Variants in KIRREL3 observed in about 807,000 individuals in gnomAD.
The protein encoded by KIRREL3 is kin of IRRE-like protein 3.
Under a neutral mutation model 89.7 loss-of-function variants are expected in KIRREL3, and 36 were observed. The observed-to-expected ratio is 0.40, with a 90% CI of 0.31 to 0.53. The LOEUF is 0.53. Ranked by LOEUF, KIRREL3 falls within the 20% of genes least tolerant of loss-of-function variation. KIRREL3 has a pLI of 0.49. For missense variants in KIRREL3, 864 were observed against 1,056.6 expected (o/e 0.82, Z 2.53); for synonymous variants, 445 against 441.4 (o/e 1.01, Z -0.10).
At chr11:126,950,072 C>A in intron 1 of KIRREL3, among the ~76,000 whole-genome samples, 1 of 152,264 alleles carries the variant, frequency 6.6e-6, no homozygotes, top group South Asian at 2.1e-4. Context: ...TCACTTTCCA[C>A]CCTTAAAATA....
At chr11:126,629,294 C>A (rs1247666624) in intron 1 of KIRREL3, among the ~76,000 whole-genome samples, 1 of 152,152 alleles carries the variant, frequency 6.6e-6, no homozygotes, top group Non-Finnish European at 1.5e-5. Flanking sequence ...AGCAGATGTC[C>A]TCACCCCAGG....
chr11:126,911,724 C>T (rs142624488), intron 1 of KIRREL3, among the ~76,000 whole-genome samples: 8,208 of 152,250 alleles, frequency 0.054, 286 homozygotes, highest in East Asian at 0.074. Flanking sequence ...TGGCTCACGC[C>T]TGTAATCCCA....
chr11:126,619,307 G>A (rs1943483014), intron 1 of KIRREL3, among the ~76,000 whole-genome samples: 1 of 152,210 alleles, frequency 6.6e-6, no homozygotes, highest in Non-Finnish European at 1.5e-5. Flanking sequence ...CCAATAGCCT[G>A]GAGAGAACAA....
chr11:126,536,856 G>A (rs1043957565), intron 2 of KIRREL3, among the ~76,000 whole-genome samples: 1 of 152,092 alleles, frequency 6.6e-6, no homozygotes, highest in Non-Finnish European at 1.5e-5. Context: ...AGTTGACCAG[G>A]CCAGTCTCGA....
chr11:126,713,569 A>C (rs74701724), intron 1 of KIRREL3, among the ~76,000 whole-genome samples: 9,332 of 152,234 alleles, frequency 0.061, 773 homozygotes, highest in African/African-American at 0.19. Context: ...GGTGATGAGG[A>C]GGGAAAGACT....
chr11:126,546,805 C>T (rs968671259), intron 2 of KIRREL3, among the ~76,000 whole-genome samples: 9 of 152,112 alleles, frequency 5.9e-5, no homozygotes, highest in Middle Eastern at 3.2e-3. Context: ...CAAAGCATCA[C>T]GCAATCGTGA....
At chr11:126,787,981 T>C (rs1249607052) in intron 1 of KIRREL3, among the ~76,000 whole-genome samples, 1 of 152,194 alleles carries the variant, frequency 6.6e-6, no homozygotes, top group Non-Finnish European at 1.5e-5. Context: ...TAGCTTCTAT[T>C]ATCATCATCA....
chr11:126,700,841 C>T (rs1437701636), intron 1 of KIRREL3, among the ~76,000 whole-genome samples: 2 of 152,222 alleles, frequency 1.3e-5, no homozygotes, highest in Non-Finnish European at 2.9e-5. Flanking sequence ...CATTCACCCC[C>T]CACACCCTCC....
Position 126,747,275 on chromosome 11 carries a change from C to T in KIRREL3, c.56-184363G>A, listed in dbSNP as rs1949184407. On this transcript the variant is annotated intron_variant, in intron 1 of 16. Coordinates refer to ENST00000525144, the MANE Select transcript of KIRREL3 (RefSeq NM_032531.4). The surrounding 1 kb of genome is among the most constrained non-coding windows in gnomAD (Gnocchi z 4.7). ...CAGTAAATAACACAATCAGTGTATACTTACAAAGGCTGTTGTATGAGGATT... is the reference window on the plus strand; with the variant it reads ...CAGTAAATAACACAATCAGTGTATATTTACAAAGGCTGTTGTATGAGGATT... Among the ~76,000 whole-genome samples, 1 of 152,184 alleles carries T rather than the reference C, an allele frequency of 6.6e-6. No individual in the cohort carries two copies. Among genetic ancestry groups the T allele is most frequent in the Non-Finnish European group, 1.5e-5 (1 of 68,032 alleles).
chr11:126,577,247 G>C (rs912541004), intron 1 of KIRREL3, among the ~76,000 whole-genome samples: 2 of 152,128 alleles, frequency 1.3e-5, no homozygotes, highest in African/African-American at 4.8e-5. Context: ...AGCTGAGTGA[G>C]TTTGGGTCTG....
At chr11:126,942,047 G>A (rs1948465261) in intron 1 of KIRREL3, among the ~76,000 whole-genome samples, 1 of 152,140 alleles carries the variant, frequency 6.6e-6, no homozygotes, top group South Asian at 2.1e-4. Flanking sequence ...GTGTGGCCTT[G>A]CAGAGGTCAC....
intron 1 of KIRREL3, among the ~76,000 whole-genome samples, chr11:126,882,082 G>C (rs1945526601): frequency 6.6e-6 from 1 of 152,062 alleles, no homozygotes; most frequent in Admixed American, 6.6e-5. Flanking sequence ...TCATTTCCTT[G>C]TACTCTGGAA....
At chr11:126,818,716 C>A (rs1951667984) in intron 1 of KIRREL3, among the ~76,000 whole-genome samples, 1 of 151,706 alleles carries the variant, frequency 6.6e-6, no homozygotes, top group South Asian at 2.1e-4. Flanking sequence ...AAAGACACAT[C>A]CTTATTGATT....
intron 1 of KIRREL3, among the ~76,000 whole-genome samples, chr11:126,759,760 C>A (rs571496885): frequency 6.6e-6 from 1 of 152,168 alleles, no homozygotes; most frequent in Non-Finnish European, 1.5e-5. Flanking sequence ...TCTATTCAGA[C>A]AATAATGAAA....
intron 6 of KIRREL3, among the ~76,000 whole-genome samples, chr11:126,461,904 C>T (rs1956556767): frequency 6.6e-6 from 1 of 152,224 alleles, no homozygotes; most frequent in African/African-American, 2.4e-5. Flanking sequence ...GCAGCTCCAG[C>T]CTTGAAATTC....
chr11:126,700,927 C>T (rs1034086391), intron 1 of KIRREL3, among the ~76,000 whole-genome samples: 2 of 152,268 alleles, frequency 1.3e-5, no homozygotes, highest in East Asian at 3.9e-4. Context: ...AACTTATATC[C>T]GGCCATGTAG....
rs369181304 is a variant in KIRREL3, at chr11:126,522,561, A to G, written c.284-1097T>C. Among the ~76,000 whole-genome samples the G allele has an allele frequency of 6.6e-6, 1 of 152,296 alleles. No homozygotes were observed. The highest frequency in any genetic ancestry group is 2.4e-5 in the African/African-American group (1 of 41,562). ...TGGGCAATGAATAATAGATAAATAAAAGTTTGAGAATATAAATCATTAATC... is the reference window on the plus strand; with the variant it reads ...TGGGCAATGAATAATAGATAAATAAGAGTTTGAGAATATAAATCATTAATC... On this transcript the variant is annotated intron_variant, in intron 3 of 16. Coordinates refer to ENST00000525144, the MANE Select transcript of KIRREL3 (RefSeq NM_032531.4). The surrounding 1 kb of genome is among the most constrained non-coding windows in gnomAD (Gnocchi z 6.0).
In KIRREL3 at chr11:126,969,169, G is replaced by A. The variant is rs777629295; in HGVS notation, c.55+31286C>T. 1.3e-5 allele frequency among the ~76,000 whole-genome samples: 2 copies of A among 152,076 alleles called. No homozygotes were observed. The highest frequency in any genetic ancestry group is 2.9e-5 in the Non-Finnish European group (2 of 68,022). ...GCCAATCAAACGACTTCTAAACCGC[G>A]AAAACAGGCCTGGGGCAAAAGAGTC... On this transcript the variant is annotated intron_variant, in intron 1 of 16. Coordinates refer to ENST00000525144, the MANE Select transcript of KIRREL3 (RefSeq NM_032531.4). This position sits in a 1 kb window ranked among gnomAD's most constrained non-coding sequence, Gnocchi z 4.9.
In KIRREL3 at chr11:126,924,977, A is replaced by G. The variant is rs964325489; in HGVS notation, c.55+75478T>C. 1.9e-4 allele frequency among the ~76,000 whole-genome samples: 2 copies of G among 10,696 alleles called. No individual in the cohort carries two copies. Among genetic ancestry groups the G allele is most frequent in the African/African-American group, 4.9e-3 (2 of 412 alleles). 7.0% of individuals were successfully genotyped at this position (10,696 alleles called of 152,430 possible). On this transcript the variant is annotated intron_variant, in intron 1 of 16. Coordinates refer to ENST00000525144, the MANE Select transcript of KIRREL3 (RefSeq NM_032531.4). The surrounding 1 kb of genome is among the most constrained non-coding windows in gnomAD (Gnocchi z 4.7). Reference sequence around the variant, plus strand: ...TGGAGGAGGTTGGGATAAAATTGAAAAAAAAAAAAAACAGTCCTAGGAGTT... The same window carrying G: ...TGGAGGAGGTTGGGATAAAATTGAAGAAAAAAAAAAACAGTCCTAGGAGTT...
Sources: allele counts gnomAD v4.1 joint callset (sites outside exome capture counted in the v4.1 genomes callset), GRCh38; gene constraint gnomAD v4.1.1; non-coding constraint Gnocchi (gnomAD v3.1); transcripts MANE v1.5; gene names NCBI Gene and HGNC (gene_info 2026-07-23, HGNC 2026-07-21).